The following PSMD4 variants were observed in gnomAD, a reference collection of about 807,000 sequenced individuals.
PSMD4 encodes 26S proteasome non-ATPase regulatory subunit 4.
A neutral mutation model predicts 39.7 loss-of-function variants in PSMD4; 5 were observed. That is an observed-to-expected ratio of 0.13 (90% CI 0.07 to 0.26). The LOEUF (loss-of-function observed/expected upper bound fraction) is 0.26, where lower values mean the gene tolerates loss of function less well. PSMD4 is among the 10% of genes least tolerant of loss of function. The pLI, the probability that PSMD4 is intolerant of heterozygous loss-of-function variation, is 1.00. For synonymous variants in PSMD4, 143 were observed against 174.6 expected (o/e 0.82, Z 1.43); for missense variants, 272 against 486.1 (o/e 0.56, Z 4.14).
At position 151,254,782 on chromosome 1, in the gene PSMD4, G is replaced by A. The variant is rs953403941; in HGVS notation, c.-1G>A. ...CGGTCGGGAGGGAGGAAGGTGGCAA[G>A]ATGGTGTTGGAAAGCACTATGGTGT... On this transcript the variant is annotated 5_prime_UTR_variant, in exon 1 of 10. Coordinates refer to ENST00000368884, the MANE Select transcript of PSMD4 (RefSeq NM_002810.4). 6.4e-7 allele frequency: 1 copy of A among 1,565,668 alleles called. No homozygotes were observed. The highest frequency in any genetic ancestry group is 1.2e-5 in the South Asian group (1 of 85,288).
intron 4 of PSMD4, 102 bp from the exon 5 acceptor site, chr1:151,265,064 C>A: frequency 7.7e-7 from 1 of 1,306,112 alleles, no homozygotes; most frequent in Non-Finnish European, 1.1e-6. Context: ...TGTTGGAGGA[C>A]CTTGGGGAGG....
Position 151,266,595 on chromosome 1 carries a change from C to G in PSMD4, c.963+8C>G. On this transcript the variant is annotated splice_region_variant and intron_variant, in intron 9 of 9. Transcript: ENST00000368884. ...ACATCTGAGCCAGCCAAGGTGAGAC[C>G]CAACCCTGCCCCCATCAGGTTTAAA... 1 of 1,613,974 alleles carries G rather than the reference C, an allele frequency of 6.2e-7. No homozygotes were observed. The highest frequency in any genetic ancestry group is 8.5e-7 in the Non-Finnish European group (1 of 1,179,914).
Position 151,266,354 on chromosome 1 carries a change from T to C in PSMD4, c.810T>C (p.Phe270=), listed in dbSNP as rs779386361. Reference sequence around the variant, plus strand: ...AGATGACCATCAGCCAGCAAGAGTTTGGCCGCACTGGGCTTCCTGACCTAA... The same window carrying C: ...AGATGACCATCAGCCAGCAAGAGTTCGGCCGCACTGGGCTTCCTGACCTAA... ...LLKMTISQQE[F]GRTGLPDLSS... Residue 270 remains phenylalanine (F), a synonymous_variant, in exon 8 of 10, where the codon TTT becomes TTC. Coordinates refer to ENST00000368884, the MANE Select transcript of PSMD4 (RefSeq NM_002810.4). The C allele has an allele frequency of 1.2e-6, 2 of 1,614,190 alleles. No individual in the cohort carries two copies. Among genetic ancestry groups the C allele is most frequent in the South Asian group, 2.2e-5 (2 of 91,088 alleles).
intron 2 of PSMD4, among the ~76,000 whole-genome samples, chr1:151,263,579 A>G (rs993236238): frequency 6.6e-6 from 1 of 152,198 alleles, no homozygotes; most frequent in Admixed American, 6.5e-5. Context: ...CTGTAATCCC[A>G]GCACTTTGGA....
intron 2 of PSMD4, 133 bp downstream of exon 2, chr1:151,262,434 A>G: frequency 9.1e-7 from 1 of 1,099,516 alleles, no homozygotes; most frequent in South Asian, 1.3e-5. Context: ...TGTAAATGTC[A>G]ATAGCAACTT....
intron 3 of PSMD4, among the ~76,000 whole-genome samples, chr1:151,264,438 G>A (rs1264705406): frequency 1.3e-5 from 2 of 151,814 alleles, no homozygotes; most frequent in East Asian, 1.9e-4. Context: ...TCACGAGTTC[G>A]AGACCAATCT....
Position 151,254,774 on chromosome 1 carries a change from G to C in PSMD4, c.-9G>C. The C allele has an allele frequency of 6.4e-7, 1 of 1,564,780 alleles. No individual in the cohort carries two copies. Among genetic ancestry groups the C allele is most frequent in the Non-Finnish European group, 8.6e-7 (1 of 1,156,176 alleles). On this transcript the variant is annotated 5_prime_UTR_variant, in exon 1 of 10. Coordinates refer to ENST00000368884, the MANE Select transcript of PSMD4 (RefSeq NM_002810.4). The stretch of plus-strand genomic sequence containing the variant: ...CGGAGACCCGGTCGGGAGGGAGGAA[G>C]GTGGCAAGATGGTGTTGGAAAGCAC...
At chr1:151,264,471 C>G (rs1693382991) in intron 3 of PSMD4, among the ~76,000 whole-genome samples, 1 of 151,984 alleles carries the variant, frequency 6.6e-6, no homozygotes, top group Non-Finnish European at 1.5e-5. Flanking sequence ...GAAACCCCAT[C>G]TCTACTGAAA....
chr1:151,256,838 C>T (rs1370311211), intron 1 of PSMD4, among the ~76,000 whole-genome samples: 1 of 151,822 alleles, frequency 6.6e-6, no homozygotes, highest in East Asian at 1.9e-4. Flanking sequence ...CAACCTCCGC[C>T]TCCCGTGTTC....
chr1:151,263,604 G>C (rs587745019), intron 2 of PSMD4, among the ~76,000 whole-genome samples: 1 of 151,784 alleles, frequency 6.6e-6, no homozygotes, highest in East Asian at 1.9e-4. Context: ...CAAGGTGGGC[G>C]GATTACGAGG....
chr1:151,266,514 C>T lies in PSMD4; in HGVS notation c.896-6C>T. The stretch of plus-strand genomic sequence containing the variant: ...GTAACTGAACAGACTGACCTCTCTT[C>T]CTCAGAGTTTGGCCAGGCGGAATCA... On this transcript the variant is annotated splice_region_variant and splice_polypyrimidine_tract_variant and intron_variant, in intron 8 of 9. Coordinates refer to ENST00000368884, the MANE Select transcript of PSMD4 (RefSeq NM_002810.4). The T allele has an allele frequency of 1.2e-6, 2 of 1,614,180 alleles. No individual in the cohort carries two copies. The highest frequency in any genetic ancestry group is 2.2e-5 in the South Asian group (2 of 91,090).
At chr1:151,264,060 T>A (rs1002022612) in intron 3 of PSMD4, 32 bp downstream of exon 3, 2 of 1,468,368 alleles carry the variant, frequency 1.4e-6, no homozygotes, top group South Asian at 1.2e-5. Context: ...GGACCTTTCC[T>A]CCCTGCTCTG....
intron 4 of PSMD4, 116 bp from the exon 5 acceptor site, chr1:151,265,050 A>T (rs1693397465): frequency 7.7e-7 from 1 of 1,297,822 alleles, no homozygotes; most frequent in Non-Finnish European, 1.1e-6. Context: ...GAATTCAGTG[A>T]TTCTGTTGGA....
At position 151,266,326 on chromosome 1, in the gene PSMD4, T is replaced by A; in HGVS notation, c.782T>A (p.Leu261Gln). Residue 261 changes from leucine (L) to glutamine (Q), a missense_variant, in exon 8 of 10, where the codon CTG becomes CAG. Coordinates refer to ENST00000368884, the MANE Select transcript of PSMD4 (RefSeq NM_002810.4). The part of the protein sequence containing the change: ...TGTEDSDDAL[L>Q]KMTISQQEFG... Reference sequence around the variant, plus strand: ...TTCCCAGACTCAGACGATGCCCTGCTGAAGATGACCATCAGCCAGCAAGAG... The same window carrying A: ...TTCCCAGACTCAGACGATGCCCTGCAGAAGATGACCATCAGCCAGCAAGAG... 1.2e-6 allele frequency: 2 copies of A among 1,614,202 alleles called. No homozygotes were observed. The highest frequency in any genetic ancestry group is 1.7e-6 in the Non-Finnish European group (2 of 1,180,038).
At chr1:151,254,974 G>T (rs1485706082) in intron 1 of PSMD4, among the ~76,000 whole-genome samples, 166 bp downstream of exon 1, 1 of 152,222 alleles carries the variant, frequency 6.6e-6, no homozygotes, top group Non-Finnish European at 1.5e-5. Flanking sequence ...CGGGGCCCTG[G>T]AGTGGCGGAT....
intron 1 of PSMD4, among the ~76,000 whole-genome samples, chr1:151,256,533 G>T (rs1311292539): frequency 7.6e-5 from 11 of 145,198 alleles, no homozygotes; most frequent in East Asian, 2.1e-4. Context: ...CCGCCTCCCT[G>T]GTTCAAGTGA....
intron 1 of PSMD4, among the ~76,000 whole-genome samples, chr1:151,261,465 G>A (rs1693318522): frequency 2.0e-5 from 3 of 151,916 alleles, no homozygotes; most frequent in South Asian, 2.1e-4. Flanking sequence ...ATGAGCCACC[G>A]CGCCCAGCTA....
chr1:151,266,045 G>A lies in PSMD4; in HGVS notation c.696G>A (p.Glu232=). 6.2e-7 allele frequency: 1 copy of A among 1,608,042 alleles called. No individual in the cohort carries two copies. Among genetic ancestry groups the A allele is most frequent in the Non-Finnish European group, 8.5e-7 (1 of 1,177,192 alleles). ...TGGAAGAGCAGCGGCAGCGGCAGGA[G>A]GAGGAGGCCCGGCGGGCAGCTGCAG... ...VSMEEQRQRQ[E]EEARRAAAAS... Residue 232 remains glutamate (E), a synonymous_variant, in exon 7 of 10, where the codon GAG becomes GAA. Transcript: ENST00000368884.
rs996186033 is a variant in PSMD4, at chr1:151,254,744, C to A, written c.-39C>A. ...CCAATTGGAGGAGTTGTTGTTAGGC[C>A]GTCCCGGAGACCCGGTCGGGAGGGA... On this transcript the variant is annotated 5_prime_UTR_variant, in exon 1 of 10. Transcript: ENST00000368884. The A allele has an allele frequency of 5.8e-6, 9 of 1,548,430 alleles. No individual in the cohort carries two copies. The highest frequency in any genetic ancestry group is 1.7e-4 in the Middle Eastern group (1 of 5,972).
Sources: gnomAD v4.1 joint callset for allele counts (sites outside exome capture counted in the v4.1 genomes callset) on GRCh38, gnomAD v4.1.1 for gene constraint, MANE v1.5 for transcripts, NCBI Gene and HGNC (gene_info 2026-07-23, HGNC 2026-07-21) for gene names.